ANKRD36: variants seen among roughly 807,000 people sequenced by gnomAD.
ANKRD36 encodes ankyrin repeat domain 36, also known as ankyrin repeat domain-containing protein 36A.
A neutral mutation model predicts 278.1 loss-of-function variants in ANKRD36; 179 were observed. That is an observed-to-expected ratio of 0.64 (90% confidence interval 0.57 to 0.73). ANKRD36 has a LOEUF of 0.73. Among genes scored for constraint, ANKRD36 ranks in the 30% least tolerant of loss-of-function variants. The pLI is 0.00. For missense variants in ANKRD36, 1,159 were observed against 1,956.7 expected (o/e 0.59, Z 7.69); for synonymous variants, 320 against 641.1 (o/e 0.50, Z 7.57).
In ANKRD36 at chr2:97,231,546, C is replaced by T. The variant is rs371529719; in HGVS notation, c.3952-2184C>T. 2.9e-3 allele frequency among the ~76,000 whole-genome samples: 434 copies of T among 152,244 alleles called. 34 individuals are homozygous for T. In the East Asian group the frequency reaches 0.05, roughly 18 times the overall value. On this transcript the variant is annotated intron_variant, in intron 67 of 75. Transcript: ENST00000420699. ...TCCAGGTGCTGTCTGTCACCCCTTT[C>T]TTTGACTAGGAAAGGGAACTCCCTG...
rs752242458 is a variant in ANKRD36, at chr2:97,149,279, T to C, written c.1035-16T>C. 1 of 1,531,298 alleles carries C rather than the reference T, an allele frequency of 6.5e-7. No homozygotes were observed. Among genetic ancestry groups the C allele is most frequent in the Non-Finnish European group, 8.7e-7 (1 of 1,142,942 alleles). The allele number at this position is 1,531,298 out of a possible 1,614,324, so 94.9% of individuals were successfully genotyped here. A position where few individuals can be genotyped will look rare whatever the true frequency, so the allele number is the denominator to read the frequency against. ...AATGAATGAGCTCATTTTTGTAATA[T>C]CTTTTTGCTCTGTAGGAGTCTCTAC... On this transcript the variant is annotated splice_polypyrimidine_tract_variant and intron_variant, in intron 11 of 75. Transcript: ENST00000420699.
chr2:97,136,977 G>A (rs1209544849), intron 6 of ANKRD36, among the ~76,000 whole-genome samples: 2 of 151,884 alleles, frequency 1.3e-5, no homozygotes, highest in Admixed American at 6.6e-5. Flanking sequence ...AAGGAAAAAG[G>A]GTTCTTAATT....
intron 4 of ANKRD36, among the ~76,000 whole-genome samples, chr2:97,123,221 A>T (rs1174930196): frequency 4.0e-5 from 6 of 151,430 alleles, no homozygotes; most frequent in Non-Finnish European, 7.4e-5. Flanking sequence ...TAGACATTAT[A>T]CACATAAAAG....
At chr2:97,200,003 T>C (rs1471397621) in intron 44 of ANKRD36, among the ~76,000 whole-genome samples, 1 of 151,918 alleles carries the variant, frequency 6.6e-6, no homozygotes, top group Non-Finnish European at 1.5e-5. Flanking sequence ...ACATTGATTC[T>C]CACGTATATG....
intron 66 of ANKRD36, among the ~76,000 whole-genome samples, chr2:97,220,774 A>ATTTTTTTTTTTTTTTTTTTTTTTTT (rs2067344191): frequency 4.3e-5 from 2 of 46,378 alleles, no homozygotes; most frequent in Non-Finnish European, 3.7e-5. Flanking sequence ...TTTTTTTTTT[A>ATTTTTTTTTTTTTTTTTTTTTTTTT]ATTTTTTTTT....
intron 6 of ANKRD36, among the ~76,000 whole-genome samples, chr2:97,131,737 C>T (rs951206310): frequency 8.6e-5 from 13 of 151,626 alleles, no homozygotes; most frequent in Non-Finnish European, 1.5e-4. Flanking sequence ...GCTCTATGAT[C>T]GATAGTACAG....
chr2:97,237,439 T>G, intron 68 of ANKRD36, among the ~76,000 whole-genome samples: 2 of 151,600 alleles, frequency 1.3e-5, no homozygotes, highest in Non-Finnish European at 2.9e-5. Context: ...TAAATTATTT[T>G]GACTTCCCTA....
chr2:97,222,159 C>G (rs147008427), intron 66 of ANKRD36, among the ~76,000 whole-genome samples: 1 of 151,894 alleles, frequency 6.6e-6, no homozygotes, highest in African/African-American at 2.4e-5. Flanking sequence ...GGTACCAGTA[C>G]CAGGCTGTTT....
At chr2:97,174,620 C>T (rs1350095445) in intron 22 of ANKRD36, among the ~76,000 whole-genome samples, 3 of 151,676 alleles carry the variant, frequency 2.0e-5, no homozygotes, top group East Asian at 2.0e-4. Context: ...CCTTTATTTC[C>T]TTCTCCTGCC....
intron 5 of ANKRD36, among the ~76,000 whole-genome samples, 195 bp downstream of exon 5, chr2:97,124,792 A>G (rs1164473581): frequency 6.6e-6 from 1 of 151,928 alleles, no homozygotes; most frequent in African/African-American, 2.4e-5. Context: ...AATCAAGAAA[A>G]AGGCTAGATA....
intron 30 of ANKRD36, among the ~76,000 whole-genome samples, chr2:97,186,102 T>A (rs1390357015): frequency 1.3e-5 from 2 of 151,814 alleles, no homozygotes; most frequent in Non-Finnish European, 2.9e-5. Context: ...TTTTGGCAGC[T>A]CCAGGAACTA....
At chr2:97,205,402 G>T (rs1393041466) in intron 50 of ANKRD36, among the ~76,000 whole-genome samples, 2 of 151,536 alleles carry the variant, frequency 1.3e-5, no homozygotes, top group African/African-American at 4.8e-5. Context: ...CAGCAAAGAG[G>T]TATCCAAGGT....
chr2:97,226,776 T>G (rs1354858453), intron 67 of ANKRD36, among the ~76,000 whole-genome samples: 2 of 151,608 alleles, frequency 1.3e-5, no homozygotes, highest in East Asian at 4.0e-4. Flanking sequence ...GTTTAAGCCT[T>G]TAATCCATCT....
chr2:97,194,065 G>A (rs904312803), intron 38 of ANKRD36, among the ~76,000 whole-genome samples: 1 of 151,602 alleles, frequency 6.6e-6, no homozygotes, highest in African/African-American at 2.4e-5. Context: ...ATCCTTTGGT[G>A]GCAAGATTGG....
rs13034394 is a variant in ANKRD36 at position 97,128,626 on chromosome 2, G to A, written c.799+1492G>A. ...ACCCTTTTGTAACTGCAGAAGCTAC[G>A]TGCACAGGGTCAGGGAAAATGGTCT... On this transcript the variant is annotated intron_variant, in intron 6 of 75. Transcript: ENST00000420699. 1.3e-3 allele frequency among the ~76,000 whole-genome samples: 198 copies of A among 152,028 alleles called. 1 individual carries two copies. The highest frequency in any genetic ancestry group is 2.4e-3 in the Non-Finnish European group (163 of 68,004).
At position 97,144,860 on chromosome 2, in the gene ANKRD36, G is replaced by T. The variant is rs143577180; in HGVS notation, c.1003+148G>T. ...CATTTGTAATAAGTTCTGGAGTGAT[G>T]GTGATTCTGCTGATTTTTGGCCATG... On this transcript the variant is annotated intron_variant, in intron 10 of 75. Coordinates refer to ENST00000420699, the MANE Select transcript of ANKRD36 (RefSeq NM_001354587.1). The T allele has an allele frequency of 5.1e-3, 6,140 of 1,201,262 alleles. 193 individuals carry two copies. The African/African-American group carries it at 0.08, about 16-fold the overall frequency. The allele number at this position is 1,201,262 out of a possible 1,614,324, so 74.4% of individuals were successfully genotyped here.
Position 97,197,705 on chromosome 2 carries a change from G to C in ANKRD36, c.2654-758G>C, listed in dbSNP as rs936918443. ...TGCTGTGATTTCTGAATGAAAAACTGATCAATATCTAATGCTTGTAGCTGT... is the reference window on the plus strand; with the variant it reads ...TGCTGTGATTTCTGAATGAAAAACTCATCAATATCTAATGCTTGTAGCTGT... On this transcript the variant is annotated intron_variant, in intron 42 of 75. Transcript: ENST00000420699. 8.6e-5 allele frequency among the ~76,000 whole-genome samples: 13 copies of C among 151,912 alleles called. 1 individual carries two copies. Among genetic ancestry groups the C allele is most frequent in the Admixed American group, 5.3e-4 (8 of 15,220 alleles).
At chr2:97,199,365 A>T (rs1279274830) in intron 44 of ANKRD36, among the ~76,000 whole-genome samples, 6 of 151,916 alleles carry the variant, frequency 3.9e-5, no homozygotes, top group African/African-American at 1.4e-4. Context: ...TAGTTATAAA[A>T]ATCAGATAAT....
chr2:97,116,347 C>T (rs578166453), intron 1 of ANKRD36, among the ~76,000 whole-genome samples: 1 of 152,122 alleles, frequency 6.6e-6, no homozygotes, highest in Admixed American at 6.6e-5. Context: ...ATGATCTCGG[C>T]TCACTGCAAT....
Sources: allele counts gnomAD v4.1 joint callset (sites outside exome capture counted in the v4.1 genomes callset), GRCh38; gene constraint gnomAD v4.1.1; transcripts MANE v1.5; gene names NCBI Gene and HGNC (gene_info 2026-07-23, HGNC 2026-07-21).